The following MCTP1 variants were observed in gnomAD, a reference collection of about 807,000 sequenced individuals.
MCTP1 encodes the protein multiple C2 and transmembrane domain-containing protein 1.
In MCTP1, 69 loss-of-function variants were observed where a neutral mutation model predicts 120.6. The observed-to-expected ratio is 0.57, with a 90% CI of 0.47 to 0.70. The LOEUF is 0.70. Ranked by LOEUF, MCTP1 falls within the 30% of genes least tolerant of loss-of-function variation. The probability of loss-of-function intolerance (pLI) is 0.00; values close to 1 mark genes in which losing one functional copy is unlikely to be tolerated. For missense variants in MCTP1, 1,203 were observed against 1,248.8 expected (o/e 0.96, Z 0.55); for synonymous variants, 529 against 493.1 (o/e 1.07, Z -0.96).
chr5:95,100,152 T>A (rs1392923519), intron 1 of MCTP1, among the ~76,000 whole-genome samples: 1 of 146,742 alleles, frequency 6.8e-6, no homozygotes, highest in African/African-American at 2.5e-5. Flanking sequence ...AGGGATAGCA[T>A]TGGGAGATAT....
intron 2 of MCTP1, among the ~76,000 whole-genome samples, chr5:94,973,340 AT>A (rs1175239105): frequency 6.6e-6 from 1 of 152,200 alleles, no homozygotes; most frequent in African/African-American, 2.4e-5. Flanking sequence ...CAGCCCTTCC[AT>A]AATCTATCTC....
intron 1 of MCTP1, among the ~76,000 whole-genome samples, chr5:95,274,071 T>C (rs1168990647): frequency 1.3e-5 from 2 of 152,144 alleles, no homozygotes; most frequent in Non-Finnish European, 2.9e-5. Flanking sequence ...CCCTGCTCAA[T>C]TGCCTCCAGG....
At chr5:94,949,731 G>A (rs159019) in intron 3 of MCTP1, among the ~76,000 whole-genome samples, 5,401 of 151,984 alleles carry the variant, frequency 0.036, 148 homozygotes, top group East Asian at 0.091. Context: ...TAGGAGGGTC[G>A]TATACTTAAT....
At chr5:95,035,871 T>C (rs1841205175) in intron 1 of MCTP1, among the ~76,000 whole-genome samples, 1 of 152,134 alleles carries the variant, frequency 6.6e-6, no homozygotes. Flanking sequence ...CATTAATGGT[T>C]AATCAGACAT....
intron 1 of MCTP1, among the ~76,000 whole-genome samples, chr5:95,124,344 T>G (rs761724216): frequency 6.6e-6 from 1 of 152,262 alleles, no homozygotes; most frequent in Non-Finnish European, 1.5e-5. Context: ...GGAAAGCACA[T>G]GCTATCTGTC....
chr5:94,957,337 A>G (rs1581566958), intron 2 of MCTP1, among the ~76,000 whole-genome samples: 1 of 152,184 alleles, frequency 6.6e-6, no homozygotes, highest in East Asian at 1.9e-4. Context: ...GACCATTGAC[A>G]ATATGAAGAA....
At chr5:94,989,988 T>G (rs1322976714) in intron 2 of MCTP1, among the ~76,000 whole-genome samples, 1 of 152,154 alleles carries the variant, frequency 6.6e-6, no homozygotes, top group Non-Finnish European at 1.5e-5. Flanking sequence ...GTTGTATCCT[T>G]TATAATAAAC....
intron 19 of MCTP1, among the ~76,000 whole-genome samples, chr5:94,767,551 C>T (rs970119838): frequency 5.3e-5 from 8 of 152,034 alleles, no homozygotes; most frequent in Non-Finnish European, 1.2e-4. Flanking sequence ...AACAGATAAA[C>T]AAATTCAATA....
In MCTP1 at chr5:95,050,481, A is replaced by G. The variant is rs144184268; in HGVS notation, c.721-32997T>C. Among the ~76,000 whole-genome samples the G allele has an allele frequency of 5.2e-3, 790 of 152,304 alleles. 2 individuals carry two copies. Among genetic ancestry groups the G allele is most frequent in the African/African-American group, 0.018 (747 of 41,564 alleles). ...AGTAGAAATGAAGCCATCGGACATC[A>G]CCAGTCACATTCAGATGTTTCACAC... On this transcript the variant is annotated intron_variant, in intron 1 of 22. Coordinates refer to ENST00000515393, the MANE Select transcript of MCTP1 (RefSeq NM_024717.7).
intron 1 of MCTP1, among the ~76,000 whole-genome samples, chr5:95,107,001 CAAT>C (rs2152382012): frequency 6.6e-6 from 1 of 152,052 alleles, no homozygotes; most frequent in East Asian, 1.9e-4. Flanking sequence ...TTCTAGAGCA[CAAT>C]AATAAATACT....
intron 17 of MCTP1, among the ~76,000 whole-genome samples, chr5:94,865,793 G>A (rs73776918): frequency 0.013 from 1,906 of 151,968 alleles, 32 homozygotes; most frequent in African/African-American, 0.042. Context: ...GTGGCCTTGG[G>A]CAAGCTACTT....
chr5:94,766,056 C>A (rs186786095), intron 19 of MCTP1, among the ~76,000 whole-genome samples: 1 of 152,090 alleles, frequency 6.6e-6, no homozygotes, highest in Admixed American at 6.5e-5. Flanking sequence ...ACCAGCCCAG[C>A]CAACATGGCG....
At chr5:94,849,184 T>C (rs1036185363) in intron 17 of MCTP1, among the ~76,000 whole-genome samples, 1 of 152,146 alleles carries the variant, frequency 6.6e-6, no homozygotes, top group African/African-American at 2.4e-5. Context: ...TAGACACTCA[T>C]CGGTGTGAAT....
intron 10 of MCTP1, among the ~76,000 whole-genome samples, chr5:94,896,456 C>T (rs753255337): frequency 2.0e-5 from 3 of 151,884 alleles, no homozygotes; most frequent in East Asian, 1.9e-4. Flanking sequence ...ATGCATTTCC[C>T]GGTCCCTTCC....
intron 20 of MCTP1, among the ~76,000 whole-genome samples, chr5:94,712,777 A>G (rs1466164415): frequency 6.6e-6 from 1 of 151,512 alleles, no homozygotes; most frequent in Non-Finnish European, 1.5e-5. Flanking sequence ...TTGCTTGTGG[A>G]GAGAACAGAA....
intron 2 of MCTP1, chr5:94,981,015 C>T (rs1829284319): frequency 1.3e-5 from 2 of 152,170 alleles, no homozygotes; most frequent in Admixed American, 6.6e-5. Flanking sequence ...AAACCTTCAC[C>T]CCTTATGCTA....
chr5:95,282,758 T>G (rs1760428244), intron 1 of MCTP1, among the ~76,000 whole-genome samples: 1 of 152,246 alleles, frequency 6.6e-6, no homozygotes, highest in African/African-American at 2.4e-5. Flanking sequence ...TCTGCTTTAC[T>G]TTCTGGAGCT....
intron 2 of MCTP1, among the ~76,000 whole-genome samples, chr5:95,002,670 T>C (rs1833956152): frequency 6.6e-6 from 1 of 152,238 alleles, no homozygotes; most frequent in Non-Finnish European, 1.5e-5. Context: ...TGTAACCCCA[T>C]TGTATCTAAG....
At chr5:95,098,352 T>C (rs1261468054) in intron 1 of MCTP1, among the ~76,000 whole-genome samples, 1 of 152,234 alleles carries the variant, frequency 6.6e-6, no homozygotes, top group African/African-American at 2.4e-5. Context: ...CTGTATGCAA[T>C]CTTGATGTGT....
Sources: allele counts gnomAD v4.1 joint callset (sites outside exome capture counted in the v4.1 genomes callset), GRCh38; gene constraint gnomAD v4.1.1; transcripts MANE v1.5; gene names NCBI Gene and HGNC (gene_info 2026-07-23, HGNC 2026-07-21).